The following PCCA variants were observed in gnomAD, a reference collection of about 807,000 sequenced individuals.
PCCA encodes propionyl-CoA carboxylase subunit alpha.
A neutral mutation model predicts 101.3 loss-of-function variants in PCCA; 74 were observed. The observed-to-expected ratio is 0.73, with a 90% CI of 0.61 to 0.89. PCCA has a LOEUF of 0.89. Ranked by LOEUF, PCCA falls within the 40% of genes least tolerant of loss-of-function variation. The pLI is 0.00. For synonymous variants in PCCA, 294 were observed against 313.6 expected (o/e 0.94, Z 0.66); for missense variants, 891 against 907.0 (o/e 0.98, Z 0.23).
At chr13:100,477,647 G>C (rs1050423972) in intron 21 of PCCA, among the ~76,000 whole-genome samples, 2 of 152,174 alleles carry the variant, frequency 1.3e-5, no homozygotes, top group African/African-American at 2.4e-5. Flanking sequence ...TTCCTAAAAA[G>C]AACTGTGGTA....
At chr13:100,163,256 T>C (rs1189580354) in intron 6 of PCCA, among the ~76,000 whole-genome samples, 1 of 152,202 alleles carries the variant, frequency 6.6e-6, no homozygotes, top group Non-Finnish European at 1.5e-5. Flanking sequence ...TGTTACGTTC[T>C]AGTTTTCCTA....
intron 19 of PCCA, among the ~76,000 whole-genome samples, chr13:100,413,321 A>G (rs2783209): frequency 0.058 from 8,831 of 152,292 alleles, 775 homozygotes; most frequent in African/African-American, 0.19. Flanking sequence ...GTCCACTTAG[A>G]CAATAGATGT....
intron 22 of PCCA, among the ~76,000 whole-genome samples, chr13:100,527,004 G>A (rs1220134295): frequency 6.6e-6 from 1 of 152,204 alleles, no homozygotes; most frequent in Non-Finnish European, 1.5e-5. Context: ...TACTCGCTGT[G>A]TCTTGCAGAG....
At chr13:100,322,872 G>T (rs1476632067) in intron 16 of PCCA, among the ~76,000 whole-genome samples, 2 of 152,098 alleles carry the variant, frequency 1.3e-5, no homozygotes, top group Non-Finnish European at 2.9e-5. Flanking sequence ...ACTGCACCCA[G>T]CACAATTTTC....
chr13:100,324,438 T>C (rs950166077), intron 16 of PCCA, among the ~76,000 whole-genome samples: 1 of 152,152 alleles, frequency 6.6e-6, no homozygotes, highest in Non-Finnish European at 1.5e-5. Context: ...TGAAGATTTG[T>C]GACAATTTGA....
At chr13:100,129,669 C>T (rs1362586161) in intron 4 of PCCA, among the ~76,000 whole-genome samples, 1 of 152,164 alleles carries the variant, frequency 6.6e-6, no homozygotes, top group African/African-American at 2.4e-5. Context: ...CAGATTTTGA[C>T]CCTGAAGCTG....
At chr13:100,401,863 T>C (rs958327116) in intron 19 of PCCA, among the ~76,000 whole-genome samples, 1 of 152,218 alleles carries the variant, frequency 6.6e-6, no homozygotes, top group African/African-American at 2.4e-5. Flanking sequence ...ATCTAACAAC[T>C]TGAATAGATA....
chr13:100,093,871 C>T (rs2046502201), intron 1 of PCCA, among the ~76,000 whole-genome samples: 1 of 150,938 alleles, frequency 6.6e-6, no homozygotes, highest in South Asian at 2.1e-4. Context: ...CCCAGGAGGT[C>T]AAGGCTGCAG....
chr13:100,507,098 A>G (rs375918473), intron 21 of PCCA, among the ~76,000 whole-genome samples: 1 of 152,222 alleles, frequency 6.6e-6, no homozygotes, highest in South Asian at 2.1e-4. Context: ...TCAAAGATCT[A>G]TAATATTTTT....
At chr13:100,477,745 T>C (rs1389042144) in intron 21 of PCCA, among the ~76,000 whole-genome samples, 1 of 152,226 alleles carries the variant, frequency 6.6e-6, no homozygotes. Context: ...GTGAGCCCTA[T>C]GAAGCGTGTG....
At chr13:100,459,521 T>TGATG (rs1278176889) in intron 21 of PCCA, among the ~76,000 whole-genome samples, 1 of 152,242 alleles carries the variant, frequency 6.6e-6, no homozygotes, top group African/African-American at 2.4e-5. Flanking sequence ...GGAACACTGA[T>TGATG]GATGGCTATG....
At chr13:100,386,373 T>A (rs1397915082) in intron 19 of PCCA, among the ~76,000 whole-genome samples, 3 of 152,120 alleles carry the variant, frequency 2.0e-5, no homozygotes, top group Non-Finnish European at 1.5e-5. Flanking sequence ...GTCTTCTATG[T>A]GCTGCTTTCT....
chr13:100,361,580 A>G (rs901369107), intron 18 of PCCA, among the ~76,000 whole-genome samples: 3 of 152,226 alleles, frequency 2.0e-5, no homozygotes, highest in Admixed American at 2.0e-4. Flanking sequence ...TCACAAATCA[A>G]TAAAAATAAG....
At chr13:100,185,580 C>G (rs2057183038) in intron 6 of PCCA, among the ~76,000 whole-genome samples, 1 of 151,852 alleles carries the variant, frequency 6.6e-6, no homozygotes. Flanking sequence ...CTCCTGGGCT[C>G]AAGTAATATG....
At chr13:100,113,313 A>G (rs943038361) in intron 4 of PCCA, among the ~76,000 whole-genome samples, 2 of 152,144 alleles carry the variant, frequency 1.3e-5, no homozygotes, top group Non-Finnish European at 2.9e-5. Flanking sequence ...AAAATATAGT[A>G]TAAAAGATAA....
chr13:100,114,515 T>A (rs970172672), intron 4 of PCCA, among the ~76,000 whole-genome samples: 7 of 152,194 alleles, frequency 4.6e-5, no homozygotes, highest in African/African-American at 1.7e-4. Context: ...GGCAAGAAGC[T>A]TGAACCTGGG....
intron 6 of PCCA, among the ~76,000 whole-genome samples, chr13:100,200,225 C>G (rs939189876): frequency 3.3e-5 from 5 of 152,320 alleles, no homozygotes; most frequent in Middle Eastern, 3.4e-3. Flanking sequence ...CTGCCTCAGC[C>G]TCCTGAGTAG....
At chr13:100,320,258 T>A (rs2067873566) in intron 16 of PCCA, among the ~76,000 whole-genome samples, 1 of 152,234 alleles carries the variant, frequency 6.6e-6, no homozygotes, top group African/African-American at 2.4e-5. Context: ...TATACAATCA[T>A]GTCATCTGCA....
intron 17 of PCCA, among the ~76,000 whole-genome samples, chr13:100,335,053 C>G (rs1051046987): frequency 2.0e-5 from 3 of 152,126 alleles, no homozygotes; most frequent in African/African-American, 7.2e-5. Context: ...TGTTCATACT[C>G]TATAAACTGG....
Sources: allele counts gnomAD v4.1 joint callset (sites outside exome capture counted in the v4.1 genomes callset), GRCh38; gene constraint gnomAD v4.1.1; transcripts MANE v1.5; gene names NCBI Gene and HGNC (gene_info 2026-07-23, HGNC 2026-07-21).